The following ZNF670 variants were observed in gnomAD, a reference collection of about 807,000 sequenced individuals.
ZNF670 encodes the protein zinc finger protein 670.
ZNF670 carries 7 observed loss-of-function variants against 10.9 expected under a neutral mutation model. That is an observed-to-expected ratio of 0.64 (90% CI 0.36 to 1.20). The LOEUF (loss-of-function observed/expected upper bound fraction) is 1.20, where lower values mean the gene tolerates loss of function less well. Among genes scored for constraint, ZNF670 ranks in the 50% most tolerant of loss-of-function variants. The pLI, the probability that ZNF670 is intolerant of heterozygous loss-of-function variation, is 0.02. For missense variants in ZNF670, 446 were observed against 458.6 expected (o/e 0.97, Z 0.25); for synonymous variants, 136 against 152.7 (o/e 0.89, Z 0.81).
chr1:247,035,352 A>T lies in ZNF670; in HGVS notation c.*2097T>A, dbSNP rs998181700. Among the ~76,000 whole-genome samples, 1 of 152,208 alleles carries T rather than the reference A, an allele frequency of 6.6e-6. No homozygotes were observed. The highest frequency in any genetic ancestry group is 2.4e-5 in the African/African-American group (1 of 41,442). Reference sequence around the variant, plus strand: ...AGGGTTCTGTAAACGAGGCTGGTCCACACAAGACTTGCACTACGGAGCAGA... The same window carrying T: ...AGGGTTCTGTAAACGAGGCTGGTCCTCACAAGACTTGCACTACGGAGCAGA... On this transcript the variant is annotated 3_prime_UTR_variant, in exon 4 of 4. Transcript: ENST00000366503.
intron 1 of ZNF670, among the ~76,000 whole-genome samples, chr1:247,054,869 C>G (rs963924002): frequency 9.9e-5 from 15 of 151,976 alleles, no homozygotes; most frequent in African/African-American, 3.4e-4. Flanking sequence ...CTTGTAACCT[C>G]AAATTTAAAA....
intron 1 of ZNF670, among the ~76,000 whole-genome samples, chr1:247,069,465 C>T (rs2103071008): frequency 6.6e-6 from 1 of 151,190 alleles, no homozygotes; most frequent in Middle Eastern, 3.4e-3. Flanking sequence ...AAAAAGAAAC[C>T]TGCCATATGA....
At chr1:247,059,422 G>A (rs950099115) in intron 1 of ZNF670, among the ~76,000 whole-genome samples, 2 of 151,904 alleles carry the variant, frequency 1.3e-5, no homozygotes, top group Non-Finnish European at 2.9e-5. Context: ...CTCCAGCCTG[G>A]GAGACAGGGC....
intron 1 of ZNF670, among the ~76,000 whole-genome samples, chr1:247,071,814 C>T (rs1434508215): frequency 6.6e-6 from 1 of 151,142 alleles, no homozygotes; most frequent in Non-Finnish European, 1.5e-5. Flanking sequence ...GGTAAAATAC[C>T]TATTGCTAAA....
chr1:247,041,460 A>T (rs1338519403), intron 1 of ZNF670, among the ~76,000 whole-genome samples: 1 of 152,230 alleles, frequency 6.6e-6, no homozygotes, highest in African/African-American at 2.4e-5. Context: ...TGGTAATGAG[A>T]AAATAGAAAA....
intron 1 of ZNF670, among the ~76,000 whole-genome samples, chr1:247,053,271 C>G (rs1315685151): frequency 1.3e-5 from 2 of 152,178 alleles, no homozygotes; most frequent in African/African-American, 4.8e-5. Flanking sequence ...ACTTCTGTCC[C>G]TGTATCTGCA....
chr1:247,057,369 A>T (rs763300292), intron 1 of ZNF670, among the ~76,000 whole-genome samples: 7 of 152,194 alleles, frequency 4.6e-5, no homozygotes, highest in Admixed American at 1.3e-4. Context: ...AGATAAGGGA[A>T]CCCTGGTATA....
chr1:247,047,665 G>A (rs61852631), intron 1 of ZNF670, among the ~76,000 whole-genome samples: 49,580 of 151,896 alleles, frequency 0.33, 8,898 homozygotes, highest in African/African-American at 0.46. Context: ...CTAGACGTCC[G>A]GGCATTTCCA....
At chr1:247,078,345 G>A (rs935849537) in intron 1 of ZNF670, among the ~76,000 whole-genome samples, 2 of 152,190 alleles carry the variant, frequency 1.3e-5, no homozygotes, top group African/African-American at 4.8e-5. Flanking sequence ...CGCACGATCC[G>A]AGGGAGATGC....
chr1:247,041,309 TG>T (rs890009387), intron 1 of ZNF670, among the ~76,000 whole-genome samples: 18 of 151,854 alleles, frequency 1.2e-4, no homozygotes, highest in Admixed American at 1.0e-3. Flanking sequence ...CAAAAAGCAG[TG>T]GGAAAAAACT....
At chr1:247,042,331 G>A (rs942206947) in intron 1 of ZNF670, among the ~76,000 whole-genome samples, 3 of 152,196 alleles carry the variant, frequency 2.0e-5, no homozygotes, top group South Asian at 4.1e-4. Context: ...GAACCACATG[G>A]TGGTGGGCAA....
At chr1:247,072,288 C>T (rs1671135597) in intron 1 of ZNF670, among the ~76,000 whole-genome samples, 1 of 151,314 alleles carries the variant, frequency 6.6e-6, no homozygotes, top group African/African-American at 2.4e-5. Context: ...GCAGCCGAGA[C>T]CACAGCTCCG....
At chr1:247,073,092 G>A (rs1671176409) in intron 1 of ZNF670, among the ~76,000 whole-genome samples, 2 of 151,826 alleles carry the variant, frequency 1.3e-5, no homozygotes, top group Admixed American at 6.6e-5. Context: ...TTATTCACCT[G>A]GACGGTGAGC....
intron 1 of ZNF670, among the ~76,000 whole-genome samples, chr1:247,055,892 A>T (rs1425206187): frequency 6.6e-6 from 1 of 152,208 alleles, no homozygotes; most frequent in Admixed American, 6.5e-5. Context: ...AATTTCAAAC[A>T]AAAACTATAA....
chr1:247,039,871 T>C (rs1670264273), intron 1 of ZNF670, among the ~76,000 whole-genome samples: 1 of 152,248 alleles, frequency 6.6e-6, no homozygotes, highest in Non-Finnish European at 1.5e-5. Context: ...AGTCATGCTA[T>C]TTGTTGTGTA....
intron 1 of ZNF670, among the ~76,000 whole-genome samples, chr1:247,047,251 A>G (rs532666475): frequency 1.3e-5 from 2 of 152,108 alleles, no homozygotes; most frequent in African/African-American, 2.4e-5. Context: ...GGGAATTCCA[A>G]CCCCACATTT....
chr1:247,060,053 C>T (rs993929488), intron 1 of ZNF670, among the ~76,000 whole-genome samples: 1 of 152,130 alleles, frequency 6.6e-6, no homozygotes, highest in Non-Finnish European at 1.5e-5. Flanking sequence ...TGTCAGTTCT[C>T]CCCAATTTGA....
intron 1 of ZNF670, among the ~76,000 whole-genome samples, chr1:247,061,771 G>A (rs1476825287): frequency 6.6e-6 from 1 of 152,172 alleles, no homozygotes; most frequent in Non-Finnish European, 1.5e-5. Flanking sequence ...CAAAGATATT[G>A]TAGAGAACAC....
At chr1:247,072,860 A>G (rs1671170938) in intron 1 of ZNF670, among the ~76,000 whole-genome samples, 1 of 144,392 alleles carries the variant, frequency 6.9e-6, no homozygotes, top group Non-Finnish European at 1.5e-5. Context: ...ACATACACAC[A>G]CACACACAAA....
Sources: allele counts gnomAD v4.1 joint callset (sites outside exome capture counted in the v4.1 genomes callset), GRCh38; gene constraint gnomAD v4.1.1; transcripts MANE v1.5; gene names NCBI Gene and HGNC (gene_info 2026-07-23, HGNC 2026-07-21).